The following ATRX variants were observed in gnomAD, a reference collection of about 807,000 sequenced individuals.
ATRX encodes ATRX chromatin remodeler, also known as chromatin remodeler ATRX.
A neutral mutation model predicts 172.6 loss-of-function variants in ATRX; 12 were observed. The ratio of observed to expected loss-of-function variants is 0.07; its 90% CI spans 0.04 to 0.11. The LOEUF (loss-of-function observed/expected upper bound fraction) is 0.11. ATRX is among the 10% of genes least tolerant of loss of function. The pLI is 1.00. For synonymous variants in ATRX, 674 were observed against 594.7 expected (o/e 1.13, Z -1.94); for missense variants, 1,368 against 1,767.4 (o/e 0.77, Z 4.05).
chrX:77,537,606 G>A (rs185714840), intron 30 of ATRX, among the ~76,000 whole-genome samples: 31 of 110,963 alleles, frequency 2.8e-4, no homozygotes, highest in Admixed American at 4.8e-4. Context: ...AGGCTGAAGC[G>A]GGAGGATTGC....
At chrX:77,716,579 C>T (rs1442838237) in intron 2 of ATRX, among the ~76,000 whole-genome samples, 1 of 107,560 alleles carries the variant, frequency 9.3e-6, no homozygotes, top group African/African-American at 3.4e-5. Flanking sequence ...CCAGTCTCTA[C>T]TAAAAATACC....
At position 77,683,042 on chromosome X, in the gene ATRX, G is replaced by C. The variant is rs2071338045; in HGVS notation, c.2214C>G (p.Leu738=). 4 of 1,208,501 alleles carry C rather than the reference G, an allele frequency of 3.3e-6. No individual in the cohort carries two copies. The highest frequency in any genetic ancestry group is 4.5e-6 in the Non-Finnish European group (4 of 894,501). ...NSDSDEMLAI[L]KEVSRMSHSS... ...TGTGACTCATCCTGCTCACCTCTTT[G>C]AGGATTGCTAGCATTTCATCAGAAT... is the stretch of plus-strand genomic sequence containing the variant. Residue 738 remains leucine, a synonymous_variant, in exon 9 of 35, where the codon CTC becomes CTG. Transcript: ENST00000373344.
intron 22 of ATRX, among the ~76,000 whole-genome samples, chrX:77,615,689 C>G (rs2067325547): frequency 9.0e-6 from 1 of 111,535 alleles, no homozygotes; most frequent in South Asian, 3.7e-4. Context: ...GATTCAAACA[C>G]TGTTTTCCCC....
chrX:77,684,680 C>A, intron 8 of ATRX, 87 bp from the exon 9 acceptor site: 2 of 1,013,978 alleles, frequency 2.0e-6, no homozygotes, highest in Non-Finnish European at 2.7e-6. Flanking sequence ...ACATTATTCC[C>A]AACAAAACTC....
At chrX:77,532,276 A>C (rs1457030124) in intron 30 of ATRX, among the ~76,000 whole-genome samples, 1 of 108,909 alleles carries the variant, frequency 9.2e-6, no homozygotes, top group African/African-American at 3.3e-5. Flanking sequence ...ACAGAATTAG[A>C]AAAAAAAAAC....
At chrX:77,640,244 G>A (rs782263768) in intron 15 of ATRX, among the ~76,000 whole-genome samples, 1 of 111,002 alleles carries the variant, frequency 9.0e-6, no homozygotes, top group Non-Finnish European at 1.9e-5. Flanking sequence ...CACGGTGATG[G>A]GATCCACATC....
At chrX:77,741,909 A>C (rs1175010012) in intron 1 of ATRX, among the ~76,000 whole-genome samples, 1 of 112,226 alleles carries the variant, frequency 8.9e-6, no homozygotes, top group Non-Finnish European at 1.9e-5. Context: ...TTTTCTGCTA[A>C]GAGTTTTATA....
chrX:77,633,405 T>C, intron 18 of ATRX, 21 bp from the exon 19 acceptor site: 1 of 1,194,665 alleles, frequency 8.4e-7, no homozygotes, highest in Non-Finnish European at 1.1e-6. Flanking sequence ...GAAATAAAGA[T>C]TTTTTTAAGT....
intron 31 of ATRX, 191 bp from the exon 32 acceptor site, chrX:77,522,579 G>T: frequency 2.2e-6 from 1 of 457,162 alleles, no homozygotes; most frequent in Non-Finnish European, 3.7e-6. Context: ...ACCCCTAAAG[G>T]TGTACTTTTT....
intron 10 of ATRX, chrX:77,674,318 G>A (rs2070763617): frequency 9.0e-6 from 1 of 111,153 alleles, no homozygotes; most frequent in Non-Finnish European, 1.9e-5. Context: ...TAACCCATGG[G>A]TATTAGATAC....
At chrX:77,527,072 G>T (rs1177525563) in intron 30 of ATRX, among the ~76,000 whole-genome samples, 3 of 112,026 alleles carry the variant, frequency 2.7e-5, no homozygotes, top group African/African-American at 9.7e-5. Flanking sequence ...TCAAAGAACC[G>T]AACAAAACAA....
chrX:77,591,970 T>C (rs1557080707), intron 26 of ATRX, among the ~76,000 whole-genome samples: 1 of 112,040 alleles, frequency 8.9e-6, no homozygotes. Flanking sequence ...AAAAAGTTGT[T>C]AGGATTAAAT....
chrX:77,511,107 C>G (rs1209165679), intron 34 of ATRX, among the ~76,000 whole-genome samples: 2 of 112,208 alleles, frequency 1.8e-5, no homozygotes, highest in Non-Finnish European at 3.8e-5. Flanking sequence ...GAGAGAGATT[C>G]TGTTTGGGAG....
At chrX:77,716,836 TCA>T (rs2073458228) in intron 2 of ATRX, among the ~76,000 whole-genome samples, 1 of 112,286 alleles carries the variant, frequency 8.9e-6, no homozygotes, top group African/African-American at 3.2e-5. Context: ...TACTATTTTT[TCA>T]CAGTCAACAT....
rs556556140 is a variant in ATRX, at chrX:77,728,249, G to A, written c.21-11006C>T. ...AAAAAAAAAAAGTCATTATCACTTC[G>A]CAGAAGGATTAGCTGAAAACAAGCT... is the stretch of plus-strand genomic sequence containing the variant. On this transcript the variant is annotated intron_variant, in intron 1 of 34. Coordinates refer to ENST00000373344, the MANE Select transcript of ATRX (RefSeq NM_000489.6). Among the ~76,000 whole-genome samples, 33 of 107,887 alleles carry A rather than the reference G, an allele frequency of 3.1e-4. No individual in the cohort carries two copies. In the South Asian group the frequency reaches 0.012, roughly 39 times the overall value. The allele number at this position is 107,887 out of a possible 115,157, so 93.7% of individuals were successfully genotyped here. A position where few individuals can be genotyped will look rare whatever the true frequency, so the allele number is the denominator to read the frequency against.
intron 10 of ATRX, chrX:77,675,304 T>G (rs2070811276): frequency 8.9e-6 from 1 of 111,734 alleles, no homozygotes; most frequent in Admixed American, 9.6e-5. Context: ...CGCCCAACTT[T>G]TTCTTCTTAA....
chrX:77,627,074 GA>G (rs1349612808), intron 19 of ATRX, among the ~76,000 whole-genome samples: 2 of 109,494 alleles, frequency 1.8e-5, no homozygotes, highest in Non-Finnish European at 3.8e-5. Context: ...AAAAATACAA[GA>G]AAAAAAAATT....
At chrX:77,615,002 GTT>G (rs2067299367) in intron 22 of ATRX, among the ~76,000 whole-genome samples, 74 of 16,869 alleles carry the variant, frequency 4.4e-3, no homozygotes, top group South Asian at 8.4e-3. Flanking sequence ...GGTGGTGGTT[GTT>G]GTTGTTGTTG....
At chrX:77,655,271 A>T (rs2069485439) in intron 13 of ATRX, among the ~76,000 whole-genome samples, 1 of 111,345 alleles carries the variant, frequency 9.0e-6, no homozygotes, top group African/African-American at 3.3e-5. Flanking sequence ...AGATGAAAAT[A>T]AAAATTCCCA....
Sources: allele counts gnomAD v4.1 joint callset (sites outside exome capture counted in the v4.1 genomes callset), GRCh38; gene constraint gnomAD v4.1.1; transcripts MANE v1.5; gene names NCBI Gene and HGNC (gene_info 2026-07-23, HGNC 2026-07-21).